Variants in LMBR1L observed in about 807,000 individuals in gnomAD.
LMBR1L encodes the protein protein LMBR1L.
A neutral mutation model predicts 67.3 loss-of-function variants in LMBR1L; 47 were observed. The ratio of observed to expected loss-of-function variants is 0.70; its 90% CI spans 0.55 to 0.89. The LOEUF is 0.89. LMBR1L is among the 40% of genes least tolerant of loss of function. LMBR1L has a pLI of 0.00. For missense variants in LMBR1L, 533 were observed against 599.2 expected (o/e 0.89, Z 1.15); for synonymous variants, 247 against 250.3 (o/e 0.99, Z 0.13).
At chr12:49,099,270 C>CGA (rs1328734272) in intron 15 of LMBR1L, among the ~76,000 whole-genome samples, 1 of 151,992 alleles carries the variant, frequency 6.6e-6, no homozygotes, top group African/African-American at 2.4e-5. Context: ...CAGCAATTCT[C>CGA]ATGCCTCAGC....
rs768190792 is a variant in LMBR1L, at chr12:49,103,721, C to A, written c.528G>T (p.Val176=). 1 of 1,613,966 alleles carries A rather than the reference C, an allele frequency of 6.2e-7. No homozygotes were observed. Among genetic ancestry groups the A allele is most frequent in the African/African-American group, 1.3e-5 (1 of 74,908 alleles). ...ACTCTCTGTTGGCCTTGTTCTTGTC[C>A]ACAATGGCTGATGCCACCCACACCA... ...LGMVWVASAI[V]DKNKANRESL... Residue 176 remains valine (V), a synonymous_variant, in exon 6 of 17, where the codon GTG becomes GTT. Coordinates refer to ENST00000267102, the MANE Select transcript of LMBR1L (RefSeq NM_018113.4).
chr12:49,102,686 G>A (rs1940358038), intron 8 of LMBR1L, 146 bp from the exon 9 acceptor site: 1 of 942,130 alleles, frequency 1.1e-6, no homozygotes, highest in East Asian at 2.6e-5. Flanking sequence ...GCTTTGCTCA[G>A]TCCCTCCCAA....
chr12:49,104,508 G>A lies in LMBR1L; in HGVS notation c.375C>T (p.Ile125=). ...AGAAATATGCAAAGGGCATGAGGAA[G>A]ATGAGGGACAGGTTGGAGAAGAGAA... The part of the protein sequence containing the change: ...LVFLFSNLSL[I]FLMPFAYFFT... The change falls in exon 5 of 17, where the codon ATC becomes ATT. Residue 125 remains isoleucine (I), a synonymous_variant. Coordinates refer to ENST00000267102, the MANE Select transcript of LMBR1L (RefSeq NM_018113.4). The A allele has an allele frequency of 6.2e-7, 1 of 1,614,130 alleles. No homozygotes were observed. Among genetic ancestry groups the A allele is most frequent in the South Asian group, 1.1e-5 (1 of 91,082 alleles).
chr12:49,105,037 C>T lies in LMBR1L; in HGVS notation c.192-152G>A, dbSNP rs533921701. On this transcript the variant is annotated intron_variant, in intron 3 of 16. Transcript: ENST00000267102. ...AAGGAGCTGTCCAGCTGGGGTTCTACCCACTGCCACCCCACCCTAGCTCTT... is the reference window on the plus strand; with the variant it reads ...AAGGAGCTGTCCAGCTGGGGTTCTATCCACTGCCACCCCACCCTAGCTCTT... 1.2e-5 allele frequency: 9 copies of T among 762,130 alleles called. No homozygotes were observed. The South Asian group carries it at 1.5e-4, about 12-fold the overall frequency. 47.2% of individuals were successfully genotyped at this position (762,130 alleles called of 1,614,324 possible). A position where few individuals can be genotyped will look rare whatever the true frequency, so the allele number is the denominator to read the frequency against.
chr12:49,098,761 G>A (rs2120884836), intron 15 of LMBR1L, among the ~76,000 whole-genome samples: 1 of 152,212 alleles, frequency 6.6e-6, no homozygotes, highest in East Asian at 1.9e-4. Flanking sequence ...AAATACAAAT[G>A]GTAGAGTGGA....
chr12:49,102,639 T>C (rs1940352227), intron 8 of LMBR1L, 99 bp from the exon 9 acceptor site: 1 of 1,267,746 alleles, frequency 7.9e-7, no homozygotes, highest in Non-Finnish European at 1.1e-6. Flanking sequence ...AGTCCCAGGC[T>C]TCCCCCAGAC....
rs1167264834 is a variant in LMBR1L at position 49,104,788 on chromosome 12, G to A, written c.289C>T (p.Arg97Trp). The change falls in exon 4 of 17, where the codon CGG (arginine) becomes TGG (tryptophan). Residue 97 changes from arginine to tryptophan, a missense_variant. Arg to Trp is a moderately radical substitution (Grantham distance 101). Coordinates refer to ENST00000267102, the MANE Select transcript of LMBR1L (RefSeq NM_018113.4). ...ISNEVLLSLP[R>W]NYYIQWLNGS... ...TTGAGCCACTGGATGTAGTAGTTCC[G>A]AGGCAGGGAGAGCAGCACCTCATTG... 6.2e-6 allele frequency: 10 copies of A among 1,613,640 alleles called. No individual in the cohort carries two copies. The highest frequency in any genetic ancestry group is 3.3e-5 in the South Asian group (3 of 90,992).
intron 15 of LMBR1L, 25 bp from the exon 16 acceptor site, chr12:49,098,130 AGGTGG>A: frequency 2.1e-5 from 33 of 1,597,814 alleles, no homozygotes; most frequent in Non-Finnish European, 2.8e-5. Context: ...CCAGGATGAG[AGGTGG>A]GCTCCCCAGG....
chr12:49,108,432 T>C (rs1313307981), intron 1 of LMBR1L, among the ~76,000 whole-genome samples: 1 of 151,552 alleles, frequency 6.6e-6, no homozygotes, highest in Non-Finnish European at 1.5e-5. Flanking sequence ...CGTGGTGGCA[T>C]GCACCTGTAG....
intron 3 of LMBR1L, 64 bp from the exon 4 acceptor site, chr12:49,104,949 C>A: frequency 6.5e-7 from 1 of 1,536,592 alleles, no homozygotes; most frequent in Non-Finnish European, 8.8e-7. Context: ...GCTGAAGAAG[C>A]CCCATTTGTC....
intron 1 of LMBR1L, chr12:49,109,692 GAT>G (rs1428489839): frequency 2.2e-6 from 1 of 456,678 alleles, no homozygotes; most frequent in Non-Finnish European, 4.4e-6. Context: ...GGCTGAGAAA[GAT>G]ATGACACCCT....
Position 49,110,503 on chromosome 12 carries a change from T to G in LMBR1L, c.53A>C (p.Glu18Ala), listed in dbSNP as rs201707100. The G allele has an allele frequency of 6.2e-7, 1 of 1,613,928 alleles. No homozygotes were observed. Among genetic ancestry groups the G allele is most frequent in the East Asian group, 2.2e-5 (1 of 44,858 alleles). ...VLSVREQLFH[E>A]RIRECIISTL... ...ACTCACAATACACTCGCGGATCCTCTCGTGGAATAGCTGTTCTCGCACGGA... is the reference window on the plus strand; with the variant it reads ...ACTCACAATACACTCGCGGATCCTCGCGTGGAATAGCTGTTCTCGCACGGA... Residue 18 changes from glutamate to alanine, a missense_variant, in exon 1 of 17, where the codon GAG becomes GCG. Physicochemically the swap from Glu to Ala is moderately radical, Grantham distance 107. Around this residue, in one of 3 missense-constraint regions of LMBR1L, gnomAD observed 246 missense variants for 249.0 expected, o/e 0.99. Transcript: ENST00000267102.
Position 49,110,842 on chromosome 12 carries a change from C to G in LMBR1L, c.-287G>C. ...CAATGCAAACACCCGCCACTAGGCT[C>G]GCTACGAGGAAGCGCCGCTGAGGGT... On this transcript the variant is annotated 5_prime_UTR_variant, in exon 1 of 17. Coordinates refer to ENST00000267102, the MANE Select transcript of LMBR1L (RefSeq NM_018113.4). 2.2e-6 allele frequency: 1 copy of G among 450,500 alleles called. No homozygotes were observed. Among genetic ancestry groups the G allele is most frequent in the Non-Finnish European group, 4.1e-6 (1 of 245,764 alleles). 27.9% of individuals were successfully genotyped at this position (450,500 alleles called of 1,614,324 possible).
intron 12 of LMBR1L, 58 bp from the exon 13 acceptor site, chr12:49,101,381 C>A: frequency 6.2e-7 from 1 of 1,604,842 alleles, no homozygotes; most frequent in Admixed American, 1.7e-5. Flanking sequence ...TACCCGGCAC[C>A]CAGCCTTCCC....
In LMBR1L at chr12:49,104,876, C is replaced by T; in HGVS notation, c.201G>A (p.Leu67=). 2 of 1,611,492 alleles carry T rather than the reference C, an allele frequency of 1.2e-6. No homozygotes were observed. The highest frequency in any genetic ancestry group is 1.3e-5 in the African/African-American group (1 of 75,006). ...DATVNKIALE[L]CTFTLAIALG... ...GGGCAATTGCCAGGGTAAAGGTGCA[C>T]AGCTCGAGCCTGGGCAGAGAAGGGG... Residue 67 remains leucine, a synonymous_variant, in exon 4 of 17, where the codon CTG becomes CTA. Coordinates refer to ENST00000267102, the MANE Select transcript of LMBR1L (RefSeq NM_018113.4).
At chr12:49,104,593 G>A (rs368153708) in intron 4 of LMBR1L, 42 bp from the exon 5 acceptor site, 4 of 1,577,518 alleles carry the variant, frequency 2.5e-6, no homozygotes. Context: ...AGTAAGGGGA[G>A]GGGCAACCCA....
intron 11 of LMBR1L, chr12:49,101,912 G>A (rs1940241175): frequency 1.7e-6 from 1 of 595,180 alleles, no homozygotes; most frequent in Non-Finnish European, 3.0e-6. Context: ...CTTTGGGCAA[G>A]TCACTCAACT....
chr12:49,107,130 C>T, intron 1 of LMBR1L, 85 bp from the exon 2 acceptor site: 1 of 865,874 alleles, frequency 1.2e-6, no homozygotes, highest in Non-Finnish European at 1.9e-6. Context: ...AATTCCAGGC[C>T]ATCACTTCCT....
chr12:49,103,693 G>C lies in LMBR1L; in HGVS notation c.556C>G (p.Leu186Val), dbSNP rs776058986. The change falls in exon 6 of 17, where the codon CTC (leucine) becomes GTC (valine). Residue 186 changes from leucine to valine, a missense_variant. Physicochemically the swap from Leu to Val is conservative, Grantham distance 32. Coordinates refer to ENST00000267102, the MANE Select transcript of LMBR1L (RefSeq NM_018113.4). ...AGGAAGCTGGGCCGCTCACCATAGA[G>C]TGACTCTCTGTTGGCCTTGTTCTTG... ...VDKNKANRESLYDFWEYYLPY... is the reference protein window; with the variant it reads ...VDKNKANRESVYDFWEYYLPY... 1.2e-6 allele frequency: 2 copies of C among 1,613,608 alleles called. No homozygotes were observed. The highest frequency in any genetic ancestry group is 2.2e-5 in the East Asian group (1 of 44,868).
Sources: gnomAD v4.1 joint callset for allele counts (sites outside exome capture counted in the v4.1 genomes callset) on GRCh38, gnomAD v4.1.1 for gene constraint, gnomAD v4.1.1 regional missense constraint, MANE v1.5 for transcripts, NCBI Gene and HGNC (gene_info 2026-07-23, HGNC 2026-07-21) for gene names.